The following PLXNA4 variants were observed in gnomAD, a reference collection of about 807,000 sequenced individuals.
The protein encoded by PLXNA4 is plexin-A4.
PLXNA4 carries 44 observed loss-of-function variants against 191.8 expected under a neutral mutation model. The observed-to-expected ratio is 0.23, with a 90% CI of 0.18 to 0.29. The LOEUF (loss-of-function observed/expected upper bound fraction) is 0.29. Among genes scored for constraint, PLXNA4 ranks in the 10% least tolerant of loss-of-function variants. The pLI is 1.00. For synonymous variants in PLXNA4, 1,082 were observed against 1,009.5 expected (o/e 1.07, Z -1.36); for missense variants, 1,800 against 2,488.8 (o/e 0.72, Z 5.89).
chr7:132,589,894 G>A (rs1802574001), intron 2 of PLXNA4, among the ~76,000 whole-genome samples: 1 of 152,194 alleles, frequency 6.6e-6, no homozygotes. Context: ...GCCAGCAGAC[G>A]AGAGAAGATG....
upstream of PLXNA4, chr7:132,576,647 C>T: frequency 3.1e-6 from 3 of 976,988 alleles, no homozygotes; most frequent in South Asian, 4.7e-5. This position sits in a 1 kb window ranked among gnomAD's most constrained non-coding sequence, Gnocchi z 5.8. Flanking sequence ...GGCTTGACAG[C>T]TTCTCTTGCG....
At chr7:132,182,618 C>T (rs1796747025) in intron 16 of PLXNA4, among the ~76,000 whole-genome samples, 1 of 152,214 alleles carries the variant, frequency 6.6e-6, no homozygotes, top group African/African-American at 2.4e-5. Context: ...AGATTGTCCC[C>T]ACCACATCCT....
intron 3 of PLXNA4, among the ~76,000 whole-genome samples, chr7:132,372,899 C>T (rs539408069): frequency 8.5e-5 from 13 of 152,244 alleles, no homozygotes; most frequent in African/African-American, 3.1e-4. Context: ...GAGGGCCTGG[C>T]GTGGAGAGCA....
chr7:132,358,665 T>A (rs551751318), intron 3 of PLXNA4, among the ~76,000 whole-genome samples: 58 of 152,312 alleles, frequency 3.8e-4, no homozygotes, highest in Admixed American at 7.8e-4. Context: ...GTGACTTGGG[T>A]AGGTGCTAGG....
intron 2 of PLXNA4, among the ~76,000 whole-genome samples, chr7:132,599,483 A>G (rs1438462966): frequency 6.6e-6 from 1 of 152,166 alleles, no homozygotes; most frequent in Non-Finnish European, 1.5e-5. Context: ...CTTATTACTA[A>G]TGAGAATAAC....
chr7:132,442,686 G>A (rs1033420365), intron 3 of PLXNA4, among the ~76,000 whole-genome samples: 34 of 152,168 alleles, frequency 2.2e-4, no homozygotes, highest in African/African-American at 7.5e-4. Flanking sequence ...GGCTAAGCAC[G>A]AGATGTGGAA....
intron 2 of PLXNA4, among the ~76,000 whole-genome samples, chr7:132,612,303 A>G (rs1803064071): frequency 6.6e-6 from 1 of 152,178 alleles, no homozygotes; most frequent in Non-Finnish European, 1.5e-5. Flanking sequence ...TGGAAGGAAC[A>G]ACAGATGTGA....
rs55902635 is a variant in PLXNA4 at position 132,259,436 on chromosome 7, C to CAAAAAAAAAAAAAAAAAAAAAAAAAA, written c.1504-18296_1504-18271dup. Among the ~76,000 whole-genome samples the CAAAAAAAAAAAAAAAAAAAAAAAAAA allele has an allele frequency of 1.6e-3, 55 of 33,868 alleles. 3 individuals are homozygous for CAAAAAAAAAAAAAAAAAAAAAAAAAA. The highest frequency in any genetic ancestry group is 0.042 in the Middle Eastern group (1 of 24). The allele number at this position is 33,868 out of a possible 152,430, so 22.2% of individuals were successfully genotyped here. A position where few individuals can be genotyped will look rare whatever the true frequency, so the allele number is the denominator to read the frequency against. The stretch of plus-strand genomic sequence containing the variant: ...GGGCAACAAGAGCAAAACTCCAACT[C>CAAAAAAAAAAAAAAAAAAAAAAAAAA]AAAAAAAAAAAAAAAAAAAAAAAAA... On this transcript the variant is annotated intron_variant, in intron 4 of 31. Coordinates refer to ENST00000321063, the MANE Select transcript of PLXNA4 (RefSeq NM_020911.2).
At chr7:132,225,279 C>T (rs1798278498) in intron 8 of PLXNA4, among the ~76,000 whole-genome samples, 1 of 152,222 alleles carries the variant, frequency 6.6e-6, no homozygotes, top group Non-Finnish European at 1.5e-5. Context: ...AATGCTTCTC[C>T]TTAGCATGGC....
chr7:132,570,074 G>A (rs1232483142), intron 1 of PLXNA4, among the ~76,000 whole-genome samples: 1 of 152,216 alleles, frequency 6.6e-6, no homozygotes, highest in Admixed American at 6.5e-5. Flanking sequence ...CCATGTGAGT[G>A]TATTAAAGGC....
At chr7:132,139,739 G>A (rs151063893) in intron 30 of PLXNA4, among the ~76,000 whole-genome samples, 10 of 152,378 alleles carry the variant, frequency 6.6e-5, no homozygotes, top group Non-Finnish European at 1.5e-4. Flanking sequence ...AGTCAGCTAA[G>A]AGGCTTGGGA....
intron 25 of PLXNA4, among the ~76,000 whole-genome samples, chr7:132,154,592 G>A (rs768521903): frequency 2.3e-4 from 35 of 152,198 alleles, no homozygotes; most frequent in Non-Finnish European, 4.9e-4. Context: ...AAAGGCAAAC[G>A]CAGGCTGAGC....
At chr7:132,614,827 A>G (rs1333463534) in intron 2 of PLXNA4, among the ~76,000 whole-genome samples, 1 of 152,202 alleles carries the variant, frequency 6.6e-6, no homozygotes, top group Non-Finnish European at 1.5e-5. Flanking sequence ...TGAGCCGCGG[A>G]GAAAAGCAAG....
chr7:132,240,169 C>T (rs963625661), intron 5 of PLXNA4, among the ~76,000 whole-genome samples: 8 of 152,182 alleles, frequency 5.3e-5, no homozygotes, highest in Non-Finnish European at 1.0e-4. Context: ...ATCCAGCTCA[C>T]AAAGTGGCAC....
rs77559659 is a variant in PLXNA4, at chr7:132,173,543, T to C, written c.4017+1235A>G. On this transcript the variant is annotated intron_variant, in intron 21 of 31. Coordinates refer to ENST00000321063, the MANE Select transcript of PLXNA4 (RefSeq NM_020911.2). ...GATAGAAAAGCCCATGCCCTCAATATAGAAACACACACAAGCCTATGCTTC... is the reference window on the plus strand; with the variant it reads ...GATAGAAAAGCCCATGCCCTCAATACAGAAACACACACAAGCCTATGCTTC... Among the ~76,000 whole-genome samples the C allele has an allele frequency of 7.9e-3, 1,195 of 152,228 alleles. 18 individuals carry two copies. Among genetic ancestry groups the C allele is most frequent in the African/African-American group, 0.027 (1,135 of 41,530 alleles).
rs369051863 is a variant in PLXNA4, at chr7:132,145,220, G to A, written c.5124C>T (p.Ala1708=). ...ACATGTACTTGATGGCCAGGGGCAG[G>A]GCAGAGCCACGGTGTGCCGTGCTGA... is the stretch of plus-strand genomic sequence containing the variant. The part of the protein sequence containing the change: ...TIFSTAHRGS[A]LPLAIKYMFD... The change falls in exon 29 of 32, where the codon GCC becomes GCT. Residue 1708 remains alanine (A), a synonymous_variant. Coordinates refer to ENST00000321063, the MANE Select transcript of PLXNA4 (RefSeq NM_020911.2). The A allele has an allele frequency of 6.2e-6, 10 of 1,614,208 alleles. No individual in the cohort carries two copies. The highest frequency in any genetic ancestry group is 8.5e-6 in the Non-Finnish European group (10 of 1,180,050).
At chr7:132,462,935 T>C (rs156947) in intron 3 of PLXNA4, among the ~76,000 whole-genome samples, 149,014 of 149,932 alleles carry the variant, frequency 0.99, 74,059 homozygotes, top group Middle Eastern at 1. Context: ...CTGCAACCTC[T>C]GCCTGTCAGG....
At chr7:132,155,686 C>T (rs531595406) in intron 25 of PLXNA4, among the ~76,000 whole-genome samples, 10 of 152,258 alleles carry the variant, frequency 6.6e-5, no homozygotes, top group African/African-American at 9.6e-5. Context: ...CAACTCCTCC[C>T]GCTGTGGTCG....
intron 2 of PLXNA4, among the ~76,000 whole-genome samples, chr7:132,601,269 C>A (rs1245253670): frequency 2.0e-5 from 2 of 100,718 alleles, no homozygotes; most frequent in Non-Finnish European, 4.2e-5. Flanking sequence ...TATAATTGAG[C>A]CTTCTGAGTC....
Sources: allele counts gnomAD v4.1 joint callset (sites outside exome capture counted in the v4.1 genomes callset), GRCh38; gene constraint gnomAD v4.1.1; non-coding constraint Gnocchi (gnomAD v3.1); transcripts MANE v1.5; gene names NCBI Gene and HGNC (gene_info 2026-07-23, HGNC 2026-07-21).